The following CPNE5 variants were observed in gnomAD, a reference collection of about 807,000 sequenced individuals.
The protein encoded by CPNE5 is copine-5.
A neutral mutation model predicts 81.1 loss-of-function variants in CPNE5; 42 were observed. The observed-to-expected ratio is 0.52, with a 90% confidence interval of 0.40 to 0.67. The LOEUF is 0.67. Among genes scored for constraint, CPNE5 ranks in the 30% least tolerant of loss-of-function variants. CPNE5 has a pLI of 0.00. For missense variants in CPNE5, 612 were observed against 815.5 expected (o/e 0.75, Z 3.04); for synonymous variants, 313 against 321.5 (o/e 0.97, Z 0.28).
At chr6:36,809,220 G>A (rs1006579130) in intron 3 of CPNE5, among the ~76,000 whole-genome samples, 3 of 152,066 alleles carry the variant, frequency 2.0e-5, no homozygotes, top group Admixed American at 6.6e-5. Flanking sequence ...AGGAGAGAGA[G>A]AGAGGAAGGG....
chr6:36,838,912 T>C (rs949419678), intron 1 of CPNE5: 4 of 167,148 alleles, frequency 2.4e-5, no homozygotes, highest in African/African-American at 9.6e-5. Flanking sequence ...TGGGGGCAAA[T>C]CACTCACTTC....
intron 3 of CPNE5, among the ~76,000 whole-genome samples, chr6:36,805,318 C>T (rs985784771): frequency 2.0e-5 from 3 of 152,218 alleles, no homozygotes; most frequent in Non-Finnish European, 4.4e-5. Flanking sequence ...TAATACAGAG[C>T]GCAGCCAGCC....
intron 7 of CPNE5, among the ~76,000 whole-genome samples, chr6:36,792,734 A>G (rs1335825480): frequency 1.3e-5 from 2 of 152,140 alleles, no homozygotes; most frequent in Admixed American, 6.5e-5. Flanking sequence ...CCACCCCAGC[A>G]CATCCCTCCA....
chr6:36,753,929 A>G (rs142384647), intron 13 of CPNE5, among the ~76,000 whole-genome samples: 6 of 152,328 alleles, frequency 3.9e-5, no homozygotes, highest in East Asian at 1.9e-4. Context: ...GGAGCCCCCT[A>G]TTCATGAAGA....
intron 7 of CPNE5, 89 bp downstream of exon 7, chr6:36,794,501 G>C: frequency 8.1e-7 from 1 of 1,237,506 alleles, no homozygotes; most frequent in Non-Finnish European, 1.2e-6. Flanking sequence ...AGTGATGGGA[G>C]CAGGGACGAG....
chr6:36,835,684 T>A (rs534717383), intron 1 of CPNE5, among the ~76,000 whole-genome samples: 26 of 152,172 alleles, frequency 1.7e-4, no homozygotes, highest in Non-Finnish European at 3.2e-4. Context: ...TAATTCCAGT[T>A]ACTCAGTAGA....
intron 3 of CPNE5, among the ~76,000 whole-genome samples, chr6:36,801,322 T>G (rs976652849): frequency 6.6e-6 from 1 of 152,154 alleles, no homozygotes; most frequent in African/African-American, 2.4e-5. Context: ...TAGTGGAGCC[T>G]GGGAATCTGC....
In CPNE5 at chr6:36,744,269, G is replaced by A. The variant is rs377584147; in HGVS notation, c.1488C>T (p.Asp496=). ...GGGGAAGGCAGCAGCTGGACTCACC[G>A]TCGAACTCTGCCTGGCCCACGCCGA... ...IIVGVGQAEF[D]AMVELDGDDV... is the part of the protein sequence containing the mutation. Residue 496 remains aspartate (D), a splice_region_variant and synonymous_variant, in exon 19 of 21, where the codon GAC becomes GAT. Coordinates refer to ENST00000244751, the MANE Select transcript of CPNE5 (RefSeq NM_020939.2). The A allele has an allele frequency of 1.6e-5, 25 of 1,577,504 alleles. 1 individual carries two copies. The highest frequency in any genetic ancestry group is 1.7e-4 in the Middle Eastern group (1 of 6,030).
intron 1 of CPNE5, among the ~76,000 whole-genome samples, chr6:36,837,731 G>T (rs1458937291): frequency 6.6e-6 from 1 of 152,098 alleles, no homozygotes; most frequent in African/African-American, 2.4e-5. Context: ...GATAAAGGAA[G>T]AGTGAAATCT....
rs1764130012 is a variant in CPNE5, at chr6:36,746,115, G to A, written c.1200+281C>T. 3 of 945,298 alleles carry A rather than the reference G, an allele frequency of 3.2e-6. No individual in the cohort carries two copies. The Admixed American group carries it at 2.2e-4, about 68-fold the overall frequency. The allele number at this position is 945,298 out of a possible 1,614,324, so 58.6% of individuals were successfully genotyped here. On this transcript the variant is annotated intron_variant, in intron 16 of 20. Transcript: ENST00000244751. The surrounding 1 kb of genome is among the most constrained non-coding windows in gnomAD (Gnocchi z 4.5). ...CACTTTTCTGGGGCCCTGAGGGATG[G>A]GTCAGCCACAGCTCGCCTCCACCTG...
chr6:36,827,490 C>T (rs751773820), intron 1 of CPNE5: 32 of 985,264 alleles, frequency 3.2e-5, no homozygotes, highest in Middle Eastern at 5.2e-4. Flanking sequence ...TCCAAGTGGC[C>T]GCCAGAGATC....
chr6:36,819,749 T>C (rs1771876079), intron 3 of CPNE5, among the ~76,000 whole-genome samples: 1 of 152,202 alleles, frequency 6.6e-6, no homozygotes, highest in South Asian at 2.1e-4. Flanking sequence ...CTGTTCTTCA[T>C]AGCTGCCTCC....
At chr6:36,815,320 CATCCCCCAG>C in intron 3 of CPNE5, among the ~76,000 whole-genome samples, 1 of 152,310 alleles carries the variant, frequency 6.6e-6, no homozygotes, top group East Asian at 1.9e-4. Flanking sequence ...CCCCAGCATT[CATCCCCCAG>C]CACATAGTAG....
Position 36,823,237 on chromosome 6 carries a change from C to T in CPNE5, c.96-139G>A, listed in dbSNP as rs138571247. ...AACAGTTCCACAATCGTTTATTAGG[C>T]TTCATTAAAAGCCAGGCACTGGGCA... is the stretch of plus-strand genomic sequence containing the variant. On this transcript the variant is annotated intron_variant, in intron 1 of 20. Transcript: ENST00000244751. 4,943 of 616,832 alleles carry T rather than the reference C, an allele frequency of 8.0e-3. 33 individuals are homozygous for T. The highest frequency in any genetic ancestry group is 9.9e-3 in the Non-Finnish European group (3,815 of 386,940). The allele number at this position is 616,832 out of a possible 1,614,324, so 38.2% of individuals were successfully genotyped here.
Position 36,830,204 on chromosome 6 carries a change from C to T in CPNE5, c.96-7106G>A, listed in dbSNP as rs12153860. Among the ~76,000 whole-genome samples, 396 of 152,274 alleles carry T rather than the reference C, an allele frequency of 2.6e-3. 1 individual carries two copies. Among genetic ancestry groups the T allele is most frequent in the Non-Finnish European group, 4.4e-3 (302 of 68,018 alleles). On this transcript the variant is annotated intron_variant, in intron 1 of 20. Coordinates refer to ENST00000244751, the MANE Select transcript of CPNE5 (RefSeq NM_020939.2). Reference sequence around the variant, plus strand: ...TGAAGCTCAAGCTCATTTAAAGGTGCCCTGGGGAGTGCTTGCACTACCAAA... The same window carrying T: ...TGAAGCTCAAGCTCATTTAAAGGTGTCCTGGGGAGTGCTTGCACTACCAAA...
intron 7 of CPNE5, 94 bp from the exon 8 acceptor site, chr6:36,792,190 C>G: frequency 7.7e-7 from 1 of 1,292,568 alleles, no homozygotes. Flanking sequence ...CATCCTCCCC[C>G]GCCCCCTACC....
chr6:36,810,572 A>G (rs554995870), intron 3 of CPNE5, among the ~76,000 whole-genome samples: 112 of 152,292 alleles, frequency 7.4e-4, no homozygotes, highest in Middle Eastern at 3.4e-3. Flanking sequence ...GAGTGGCCTG[A>G]GATCTGGGGA....
intron 9 of CPNE5, among the ~76,000 whole-genome samples, chr6:36,778,531 C>A (rs1285475934): frequency 1.3e-5 from 2 of 152,176 alleles, no homozygotes; most frequent in Admixed American, 6.5e-5. Flanking sequence ...CCATGAGGGA[C>A]TGGCCCCCTA....
chr6:36,774,083 TAA>T (rs71540168), intron 10 of CPNE5, among the ~76,000 whole-genome samples: 169 of 139,612 alleles, frequency 1.2e-3, no homozygotes, highest in Middle Eastern at 3.8e-3. Context: ...CCATCTCAAT[TAA>T]AAAAAAAAAA....
Sources: allele counts gnomAD v4.1 joint callset (sites outside exome capture counted in the v4.1 genomes callset), GRCh38; gene constraint gnomAD v4.1.1; non-coding constraint Gnocchi (gnomAD v3.1); transcripts MANE v1.5; gene names NCBI Gene and HGNC (gene_info 2026-07-23, HGNC 2026-07-21).